GNAI2: variants seen among roughly 807,000 people sequenced by gnomAD.
GNAI2 encodes G protein subunit alpha i2, also known as guanine nucleotide-binding protein G(i) subunit alpha-2.
In GNAI2, 4 loss-of-function variants were observed where a neutral mutation model predicts 36.8. That is an observed-to-expected ratio of 0.11 (90% confidence interval 0.05 to 0.25). GNAI2 has a LOEUF of 0.25. Ranked by LOEUF, GNAI2 falls within the 10% of genes least tolerant of loss-of-function variation. The probability of loss-of-function intolerance (pLI) is 1.00; values close to 1 mark genes in which losing one functional copy is unlikely to be tolerated. For missense variants in GNAI2, 230 were observed against 481.3 expected (o/e 0.48, Z 4.89); for synonymous variants, 194 against 194.1 (o/e 1.00, Z 0.01).
chr3:50,256,182 C>G lies in GNAI2; in HGVS notation c.465-10C>G, dbSNP rs1553703135. 5 of 1,491,806 alleles carry G rather than the reference C, an allele frequency of 3.4e-6. No homozygotes were observed. Among genetic ancestry groups the G allele is most frequent in the Admixed American group, 3.5e-5 (2 of 57,540 alleles). 92.4% of individuals were successfully genotyped at this position (1,491,806 alleles called of 1,614,324 possible). ...TGGCCCCCACTGACCCTCCCACCCC[C>G]CATCCCCAGCTACCTGAACGACCTG... On this transcript the variant is annotated splice_polypyrimidine_tract_variant and intron_variant, in intron 4 of 8. Coordinates refer to ENST00000313601, the MANE Select transcript of GNAI2 (RefSeq NM_002070.4).
chr3:50,236,252 T>G lies in GNAI2; in HGVS notation c.-84T>G. ...AGTGCTTCCCGCAGAGGGCTGGTGGTGGGAGCGGAGTGGGTCGGGCGGGGC... is the reference window on the plus strand; with the variant it reads ...AGTGCTTCCCGCAGAGGGCTGGTGGGGGGAGCGGAGTGGGTCGGGCGGGGC... On this transcript the variant is annotated 5_prime_UTR_variant, in exon 1 of 9. Transcript: ENST00000313601. This position sits in a 1 kb window ranked among gnomAD's most constrained non-coding sequence, Gnocchi z 4.0. 8.3e-7 allele frequency: 1 copy of G among 1,204,662 alleles called. No individual in the cohort carries two copies. The highest frequency in any genetic ancestry group is 1.0e-6 in the Non-Finnish European group (1 of 969,820). 74.6% of individuals were successfully genotyped at this position (1,204,662 alleles called of 1,614,324 possible).
intron 1 of GNAI2, chr3:50,246,850 A>G (rs1553701835): frequency 1.4e-6 from 2 of 1,382,540 alleles, no homozygotes; most frequent in Non-Finnish European, 1.9e-6. Flanking sequence ...GCCGGGTTAT[A>G]CTGAAGGGAA....
At chr3:50,231,222 A>G (rs945202480), upstream of GNAI2, among the ~76,000 whole-genome samples, 26 of 152,190 alleles carry the variant, frequency 1.7e-4, no homozygotes, top group African/African-American at 6.0e-4. Flanking sequence ...ATACAACTAC[A>G]TGAATATTTC....
At chr3:50,248,592 C>G (rs587613645) in intron 1 of GNAI2, among the ~76,000 whole-genome samples, 1 of 151,110 alleles carries the variant, frequency 6.6e-6, no homozygotes, top group South Asian at 2.1e-4. Context: ...CCCCTGCTTC[C>G]TGCCTGGCTG....
chr3:50,236,597 TCTAGATTGGA>T lies in GNAI2; in HGVS notation c.118+150_118+159del. On this transcript the variant is annotated intron_variant, in intron 1 of 8. Transcript: ENST00000313601. This position sits in a 1 kb window ranked among gnomAD's most constrained non-coding sequence, Gnocchi z 4.0. ...CTGGGCCAGGACCAGGGTTGAAAAC[TCTAGATTGGA>T]CTAGACCTTTGATCCTGCCCAGACT... is the stretch of plus-strand genomic sequence containing the variant. 1 of 1,187,626 alleles carries T rather than the reference TCTAGATTGGA, an allele frequency of 8.4e-7. No homozygotes were observed. Among genetic ancestry groups the T allele is most frequent in the South Asian group, 1.6e-5 (1 of 60,986 alleles). The allele number at this position is 1,187,626 out of a possible 1,614,324, so 73.6% of individuals were successfully genotyped here. A position where few individuals can be genotyped will look rare whatever the true frequency, so the allele number is the denominator to read the frequency against.
chr3:50,246,475 G>C (rs1383306843), intron 1 of GNAI2, among the ~76,000 whole-genome samples: 1 of 152,230 alleles, frequency 6.6e-6, no homozygotes, highest in African/African-American at 2.4e-5. Flanking sequence ...TGGGATAAGA[G>C]AAGGAGGTGG....
chr3:50,248,212 T>C (rs1700466679), intron 1 of GNAI2, among the ~76,000 whole-genome samples: 1 of 152,078 alleles, frequency 6.6e-6, no homozygotes, highest in Admixed American at 6.5e-5. Flanking sequence ...AAGATCATGC[T>C]ATTGCACTCC....
chr3:50,229,805 T>C (rs184048972), upstream of GNAI2: 1 of 152,506 alleles, frequency 6.6e-6, no homozygotes, highest in East Asian at 1.9e-4. Flanking sequence ...GTTGATTTCC[T>C]CTGAAATGGT....
intron 4 of GNAI2, among the ~76,000 whole-genome samples, chr3:50,254,710 C>T (rs1553702939): frequency 1.3e-5 from 2 of 152,234 alleles, no homozygotes; most frequent in South Asian, 2.1e-4. Flanking sequence ...GGAATAGAGC[C>T]ACCTCCAGGC....
At chr3:50,231,490 G>C (rs1432507241), upstream of GNAI2, among the ~76,000 whole-genome samples, 2 of 152,246 alleles carry the variant, frequency 1.3e-5, no homozygotes, top group Non-Finnish European at 2.9e-5. Context: ...TGTTGGCCAG[G>C]ATAGTCGATC....
At chr3:50,230,758 C>T (rs782399429), upstream of GNAI2, 85 of 970,542 alleles carry the variant, frequency 8.8e-5, no homozygotes, top group Admixed American at 6.8e-4. Flanking sequence ...TTCCATTGTC[C>T]TTTATGGTCT....
At chr3:50,230,162 G>A (rs1048477203), upstream of GNAI2, 1 of 152,384 alleles carries the variant, frequency 6.6e-6, no homozygotes, top group African/African-American at 2.4e-5. Context: ...AGAGAGGCCT[G>A]GGAAGAGGGG....
chr3:50,236,220 C>G lies in GNAI2; in HGVS notation c.-116C>G. Reference sequence around the variant, plus strand: ...GCCTCCCGCAGTCGCTCGGAACTGCCGACCCGAGTGCTTCCCGCAGAGGGC... The same window carrying G: ...GCCTCCCGCAGTCGCTCGGAACTGCGGACCCGAGTGCTTCCCGCAGAGGGC... On this transcript the variant is annotated 5_prime_UTR_variant, in exon 1 of 9. Coordinates refer to ENST00000313601, the MANE Select transcript of GNAI2 (RefSeq NM_002070.4). This position sits in a 1 kb window ranked among gnomAD's most constrained non-coding sequence, Gnocchi z 4.0. The G allele has an allele frequency of 4.2e-6, 5 of 1,188,180 alleles. No homozygotes were observed. Among genetic ancestry groups the G allele is most frequent in the Non-Finnish European group, 5.2e-6 (5 of 960,726 alleles). 73.6% of individuals were successfully genotyped at this position (1,188,180 alleles called of 1,614,324 possible).
At chr3:50,227,257 G>C, upstream of GNAI2, 1 of 934,100 alleles carries the variant, frequency 1.1e-6, no homozygotes, top group East Asian at 3.2e-5. This position sits in a 1 kb window ranked among gnomAD's most constrained non-coding sequence, Gnocchi z 5.9. Flanking sequence ...CGGGGCAAGG[G>C]GGATGGGGTG....
chr3:50,229,089 T>G (rs1170167296), upstream of GNAI2: 1 of 152,156 alleles, frequency 6.6e-6, no homozygotes. Context: ...CAGGAAGCAG[T>G]GCTAATGACA....
upstream of GNAI2, among the ~76,000 whole-genome samples, chr3:50,233,892 CTTTTTTTTTTTTTT>C (rs11313623): frequency 1.9e-4 from 21 of 110,216 alleles, no homozygotes; most frequent in East Asian, 5.6e-3. Flanking sequence ...TAACAAGGTT[CTTTTTTTTTTTTTT>C]TTTTTTTGAG....
Position 50,258,987 on chromosome 3 carries a change from C to A in GNAI2, c.*644C>A, listed in dbSNP as rs1339077538. On this transcript the variant is annotated 3_prime_UTR_variant, in exon 9 of 9. Transcript: ENST00000313601. Reference sequence around the variant, plus strand: ...CTGACCAGCAAGCCCCCCCCCAGCCCCCCTTCCAAGTGACTCCGTGCCTTG... The same window carrying A: ...CTGACCAGCAAGCCCCCCCCCAGCCACCCTTCCAAGTGACTCCGTGCCTTG... The A allele has an allele frequency of 6.7e-6, 3 of 445,514 alleles. No individual in the cohort carries two copies. Among genetic ancestry groups the A allele is most frequent in the Middle Eastern group, 3.3e-4 (1 of 3,020 alleles). 27.6% of individuals were successfully genotyped at this position (445,514 alleles called of 1,614,324 possible). A position where few individuals can be genotyped will look rare whatever the true frequency, so the allele number is the denominator to read the frequency against.
chr3:50,229,521 G>A (rs888464245), upstream of GNAI2: 3 of 152,266 alleles, frequency 2.0e-5, no homozygotes, highest in Admixed American at 2.0e-4. Flanking sequence ...GGAGACTTTG[G>A]AACCCCCTGT....
chr3:50,230,247 A>C (rs1320647041), upstream of GNAI2: 1 of 152,466 alleles, frequency 6.6e-6, no homozygotes, highest in African/African-American at 2.4e-5. Flanking sequence ...AAGAAGCAGG[A>C]AGGGGAAAGC....
Sources: allele counts gnomAD v4.1 joint callset (sites outside exome capture counted in the v4.1 genomes callset), GRCh38; gene constraint gnomAD v4.1.1; non-coding constraint Gnocchi (gnomAD v3.1); transcripts MANE v1.5; gene names NCBI Gene and HGNC (gene_info 2026-07-23, HGNC 2026-07-21).